The following ITGA8 variants were observed in gnomAD, a reference collection of about 807,000 sequenced individuals.
ITGA8 encodes integrin alpha-8.
Under a neutral mutation model 142.3 loss-of-function variants are expected in ITGA8, and 91 were observed. The observed-to-expected ratio is 0.64, with a 90% confidence interval of 0.54 to 0.76. The LOEUF (loss-of-function observed/expected upper bound fraction) is 0.76. Among genes scored for constraint, ITGA8 ranks in the 30% least tolerant of loss-of-function variants. ITGA8 has a pLI of 0.00. For missense variants in ITGA8, 1,406 were observed against 1,327.7 expected (o/e 1.06, Z -0.92); for synonymous variants, 505 against 485.2 (o/e 1.04, Z -0.54).
At position 15,521,271 on chromosome 10, in the gene ITGA8, G is replaced by A. The variant is rs1369605540; in HGVS notation, c.2983-1859C>T. On this transcript the variant is annotated intron_variant, in intron 28 of 29. Transcript: ENST00000378076. ...ACTCCTGACCTCAAGTGATCCACCC[G>A]CCTCGGCCTCCCAAAATGCTGGGAT... Among the ~76,000 whole-genome samples the A allele has an allele frequency of 5.3e-5, 8 of 151,914 alleles. No homozygotes were observed. The East Asian group carries it at 5.8e-4, about 11-fold the overall frequency.
intron 14 of ITGA8, among the ~76,000 whole-genome samples, chr10:15,615,640 A>C (rs1035711258): frequency 1.3e-4 from 20 of 152,068 alleles, no homozygotes; most frequent in Non-Finnish European, 2.1e-4. Context: ...CAGCCTCCCG[A>C]GTAGCTGGGA....
At chr10:15,694,676 GACAT>G (rs1835015633) in intron 2 of ITGA8, among the ~76,000 whole-genome samples, 1 of 12,322 alleles carries the variant, frequency 8.1e-5, no homozygotes, top group Non-Finnish European at 2.4e-4. Flanking sequence ...TATATTTGTC[GACAT>G]ATATATATAT....
At chr10:15,647,089 G>C (rs1420026963) in intron 11 of ITGA8, 38 bp from the exon 12 acceptor site, 31 of 1,491,150 alleles carry the variant, frequency 2.1e-5, no homozygotes, top group Non-Finnish European at 2.7e-5. Context: ...CACGCTAGCA[G>C]AGAGTAGAGT....
intron 14 of ITGA8, among the ~76,000 whole-genome samples, chr10:15,615,530 T>C (rs556361271): frequency 1.3e-5 from 2 of 152,314 alleles, no homozygotes; most frequent in Admixed American, 1.3e-4. Context: ...TTGTTTATTT[T>C]TGAGATGGAG....
At chr10:15,635,448 C>T (rs1833757529) in intron 13 of ITGA8, among the ~76,000 whole-genome samples, 1 of 152,052 alleles carries the variant, frequency 6.6e-6, no homozygotes, top group East Asian at 1.9e-4. Flanking sequence ...AATCCATGCA[C>T]CTTTGTCACT....
chr10:15,529,827 A>G (rs1378854497), intron 28 of ITGA8, among the ~76,000 whole-genome samples: 1 of 152,194 alleles, frequency 6.6e-6, no homozygotes, highest in Non-Finnish European at 1.5e-5. Flanking sequence ...CTCAAACTTG[A>G]CCATGCCTAG....
Position 15,644,237 on chromosome 10 carries a change from A to G in ITGA8, c.1208-16T>C, listed in dbSNP as rs1244780202. 3 of 1,609,246 alleles carry G rather than the reference A, an allele frequency of 1.9e-6. No homozygotes were observed. The highest frequency in any genetic ancestry group is 2.5e-6 in the Non-Finnish European group (3 of 1,176,976). On this transcript the variant is annotated splice_polypyrimidine_tract_variant and intron_variant, in intron 12 of 29. Coordinates refer to ENST00000378076, the MANE Select transcript of ITGA8 (RefSeq NM_003638.3). ...ATGGCAATGTCTAAAAACAGACATA[A>G]AACATGTTTTATGTGTATATGTATT... is the stretch of plus-strand genomic sequence containing the variant.
intron 13 of ITGA8, among the ~76,000 whole-genome samples, chr10:15,616,833 A>G (rs1395430920): frequency 2.0e-5 from 3 of 152,126 alleles, no homozygotes; most frequent in Admixed American, 6.5e-5. Context: ...CACTTTTCCT[A>G]TCCTTCAGGT....
intron 8 of ITGA8, among the ~76,000 whole-genome samples, chr10:15,671,034 T>C (rs977071519): frequency 7.2e-5 from 11 of 152,324 alleles, no homozygotes; most frequent in African/African-American, 2.4e-4. Flanking sequence ...CTAGCACTTA[T>C]CATAATTTAA....
intron 29 of ITGA8, among the ~76,000 whole-genome samples, chr10:15,517,461 T>C (rs750863999): frequency 5.9e-5 from 9 of 152,092 alleles, no homozygotes; most frequent in Non-Finnish European, 1.2e-4. Flanking sequence ...GTAGCTGGGA[T>C]TACAGGCCTG....
At chr10:15,537,980 A>AAAAC (rs1564341774) in intron 27 of ITGA8, among the ~76,000 whole-genome samples, 2 of 152,014 alleles carry the variant, frequency 1.3e-5, no homozygotes, top group Admixed American at 6.6e-5. Flanking sequence ...ACAAAAAAAA[A>AAAAC]ACACAAAAAT....
At chr10:15,674,954 A>T (rs1791929838) in intron 6 of ITGA8, among the ~76,000 whole-genome samples, 1 of 148,992 alleles carries the variant, frequency 6.7e-6, no homozygotes, top group Non-Finnish European at 1.5e-5. Flanking sequence ...AAAAAAAATC[A>T]TAAATCTATC....
chr10:15,653,676 C>G (rs1348588465), intron 11 of ITGA8, among the ~76,000 whole-genome samples: 1 of 152,138 alleles, frequency 6.6e-6, no homozygotes, highest in Non-Finnish European at 1.5e-5. Flanking sequence ...ATCAGAACCC[C>G]TGGGAAACAC....
intron 27 of ITGA8, among the ~76,000 whole-genome samples, chr10:15,535,011 C>T (rs901555458): frequency 6.6e-5 from 10 of 152,220 alleles, no homozygotes; most frequent in Admixed American, 3.3e-4. Flanking sequence ...ACCTGGGCTG[C>T]GTGCGGTGCT....
chr10:15,711,190 T>C (rs897056649), intron 2 of ITGA8, among the ~76,000 whole-genome samples: 8 of 152,230 alleles, frequency 5.3e-5, no homozygotes, highest in African/African-American at 1.9e-4. Flanking sequence ...CGTGTTTGCA[T>C]TCACACTCTT....
At chr10:15,533,788 T>C (rs1833360638) in intron 27 of ITGA8, among the ~76,000 whole-genome samples, 1 of 152,242 alleles carries the variant, frequency 6.6e-6, no homozygotes, top group South Asian at 2.1e-4. Flanking sequence ...GCATTTGAAC[T>C]CTAGGATGTA....
chr10:15,650,900 T>C (rs752028169), intron 11 of ITGA8, among the ~76,000 whole-genome samples: 1 of 152,180 alleles, frequency 6.6e-6, no homozygotes, highest in Non-Finnish European at 1.5e-5. Context: ...ACAACCTCTT[T>C]ATGGTTTAAT....
rs180936139 is a variant in ITGA8 at position 15,543,877 on chromosome 10, G to A, written c.2880+4578C>T. Among the ~76,000 whole-genome samples the A allele has an allele frequency of 1.5e-3, 225 of 152,198 alleles. 1 individual carries two copies. The highest frequency in any genetic ancestry group is 3.9e-3 in the African/African-American group (163 of 41,524). On this transcript the variant is annotated intron_variant, in intron 27 of 29. Coordinates refer to ENST00000378076, the MANE Select transcript of ITGA8 (RefSeq NM_003638.3). ...AGGGTGGGCTCTAAATCCAGTGAGC[G>A]TCCTTATAAGAAACAGAAGACACAG...
At chr10:15,638,696 G>A (rs1341946561) in intron 13 of ITGA8, among the ~76,000 whole-genome samples, 1 of 152,190 alleles carries the variant, frequency 6.6e-6, no homozygotes, top group Non-Finnish European at 1.5e-5. Flanking sequence ...CATTTTAAAT[G>A]TTTGTTTTTG....
Sources: gnomAD v4.1 joint callset for allele counts (sites outside exome capture counted in the v4.1 genomes callset) on GRCh38, gnomAD v4.1.1 for gene constraint, MANE v1.5 for transcripts, NCBI Gene and HGNC (gene_info 2026-07-23, HGNC 2026-07-21) for gene names.